Variants in VPS54 observed in about 807,000 individuals in gnomAD.
VPS54 encodes the protein VPS54 subunit of GARP complex.
VPS54 carries 45 observed loss-of-function variants against 121.5 expected under a neutral mutation model. The observed-to-expected ratio is 0.37, with a 90% CI of 0.29 to 0.47. VPS54 has a LOEUF of 0.47. Among genes scored for constraint, VPS54 ranks in the 20% least tolerant of loss-of-function variants. The pLI, the probability that VPS54 is intolerant of heterozygous loss-of-function variation, is 0.99. For missense variants in VPS54, 1,090 were observed against 1,131.4 expected, an observed-to-expected ratio of 0.96 and a Z score of 0.52; for synonymous variants, 371 against 385.8, an observed-to-expected ratio of 0.96 and a Z score of 0.45.
At chr2:63,931,690 A>G (rs1021262453) in intron 12 of VPS54, among the ~76,000 whole-genome samples, 3 of 152,236 alleles carry the variant, frequency 2.0e-5, no homozygotes, top group Admixed American at 1.3e-4. Context: ...CTGCACAGCA[A>G]AAGAAACTAT....
chr2:63,963,769 G>A (rs1559025118), intron 6 of VPS54, among the ~76,000 whole-genome samples: 1 of 152,026 alleles, frequency 6.6e-6, no homozygotes, highest in Non-Finnish European at 1.5e-5. Context: ...AATATACTAG[G>A]GTAAATTGCA....
At chr2:63,980,844 T>C (rs1676771336) in intron 3 of VPS54, among the ~76,000 whole-genome samples, 1 of 152,080 alleles carries the variant, frequency 6.6e-6, no homozygotes, top group Non-Finnish European at 1.5e-5. Flanking sequence ...TGTGTTGTTT[T>C]CAATGATCAG....
At chr2:63,937,289 T>C (rs980919025) in intron 11 of VPS54, among the ~76,000 whole-genome samples, 11 of 152,016 alleles carry the variant, frequency 7.2e-5, no homozygotes, top group African/African-American at 2.2e-4. Context: ...AAAGAACTTC[T>C]ACAACTCAAC....
intron 20 of VPS54, among the ~76,000 whole-genome samples, chr2:63,911,137 C>T (rs1166410887): frequency 1.3e-5 from 2 of 152,058 alleles, no homozygotes; most frequent in Admixed American, 1.3e-4. Context: ...AATATGTTAC[C>T]GACTTTTGGT....
intron 12 of VPS54, among the ~76,000 whole-genome samples, chr2:63,924,418 A>C (rs77994527): frequency 8.5e-5 from 13 of 152,346 alleles, no homozygotes; most frequent in South Asian, 4.1e-4. Context: ...TGAAGGTAAC[A>C]GAGAACTAAG....
At chr2:63,953,420 A>T (rs535325457) in intron 7 of VPS54, among the ~76,000 whole-genome samples, 11 of 152,294 alleles carry the variant, frequency 7.2e-5, no homozygotes, top group African/African-American at 2.6e-4. Flanking sequence ...AGCATGAGCC[A>T]CGCTACCCAG....
chr2:63,944,649 TCA>T lies in VPS54; in HGVS notation c.1250_1251del (p.Val417AspfsTer2). 1 of 1,608,910 alleles carries T rather than the reference TCA, an allele frequency of 6.2e-7. No homozygotes were observed. Among genetic ancestry groups the T allele is most frequent in the African/African-American group, 1.3e-5 (1 of 74,866 alleles). Reference protein sequence around the residue: ...ITAKNIIKQCVINKVSQTEEI... With the variant: ...ITAKNIIKQCXINKVSQTEEI... ...TCTTCTGTTTGTGAAACTTTATTAA[TCA>T]CACACTGCAAAATTTAAGAAAAAAC... On this transcript the variant is annotated frameshift_variant, in exon 10 of 23. Coordinates refer to ENST00000272322, the MANE Select transcript of VPS54 (RefSeq NM_016516.3). LOFTEE classifies it high-confidence loss of function.
chr2:63,959,893 C>T (rs1438549893), intron 7 of VPS54, among the ~76,000 whole-genome samples: 14 of 151,960 alleles, frequency 9.2e-5, no homozygotes, highest in African/African-American at 3.4e-4. Context: ...CAGTGGCGGG[C>T]ACCTGTAATC....
At position 63,892,200 on chromosome 2, in the gene VPS54, T is replaced by C. The variant is rs1318940241; in HGVS notation, c.*1230A>G. On this transcript the variant is annotated 3_prime_UTR_variant, in exon 23 of 23. Transcript: ENST00000272322. Reference sequence around the variant, plus strand: ...ACAGATAGTTTAAGAACCAAAGACATACCTCTGTAATGATAAAGGAAAGAA... The same window carrying C: ...ACAGATAGTTTAAGAACCAAAGACACACCTCTGTAATGATAAAGGAAAGAA... The C allele has an allele frequency of 6.6e-6, 1 of 152,186 alleles. No homozygotes were observed. The highest frequency in any genetic ancestry group is 1.5e-5 in the Non-Finnish European group (1 of 68,044). The allele number at this position is 152,186 out of a possible 1,614,324, so 9.4% of individuals were successfully genotyped here.
At chr2:63,948,171 C>G (rs569495782) in intron 8 of VPS54, among the ~76,000 whole-genome samples, 2 of 152,210 alleles carry the variant, frequency 1.3e-5, no homozygotes, top group Admixed American at 1.3e-4. Flanking sequence ...GAAATAATGA[C>G]CTAGACTCTC....
chr2:63,974,769 A>G (rs1456025470), intron 3 of VPS54, among the ~76,000 whole-genome samples: 1 of 152,270 alleles, frequency 6.6e-6, no homozygotes, highest in Non-Finnish European at 1.5e-5. Flanking sequence ...ATTAACTTTT[A>G]TATATTAACC....
At chr2:63,909,009 A>C (rs186569580) in intron 20 of VPS54, among the ~76,000 whole-genome samples, 1 of 152,276 alleles carries the variant, frequency 6.6e-6, no homozygotes, top group Non-Finnish European at 1.5e-5. Flanking sequence ...GTTCTCCTCA[A>C]CTTCATTTGC....
At chr2:63,993,979 C>G (rs895669606) in intron 1 of VPS54, among the ~76,000 whole-genome samples, 2 of 152,134 alleles carry the variant, frequency 1.3e-5, no homozygotes, top group Non-Finnish European at 2.9e-5. Flanking sequence ...TTCTAGTTAA[C>G]GTGGGAAAGA....
intron 3 of VPS54, among the ~76,000 whole-genome samples, chr2:63,977,401 T>G (rs1215253247): frequency 2.6e-5 from 4 of 152,228 alleles, no homozygotes; most frequent in Non-Finnish European, 4.4e-5. Flanking sequence ...AAGACTTCCT[T>G]GAAGCCTTAC....
intron 1 of VPS54, among the ~76,000 whole-genome samples, chr2:63,988,369 A>G (rs1285953703): frequency 6.6e-6 from 1 of 152,202 alleles, no homozygotes; most frequent in African/African-American, 2.4e-5. Context: ...ATGATGAATA[A>G]TATTTTTAAT....
chr2:64,012,488 T>G (rs1229200241), intron 1 of VPS54, among the ~76,000 whole-genome samples: 1 of 146,610 alleles, frequency 6.8e-6, no homozygotes, highest in Non-Finnish European at 1.5e-5. Flanking sequence ...TCCCCAGATG[T>G]AGTTTTTTCC....
intron 2 of VPS54, among the ~76,000 whole-genome samples, chr2:63,982,811 T>C (rs1303892638): frequency 6.6e-6 from 1 of 152,042 alleles, no homozygotes; most frequent in Non-Finnish European, 1.5e-5. Flanking sequence ...AAAAGAACAT[T>C]AGTTTATAGT....
intron 1 of VPS54, among the ~76,000 whole-genome samples, chr2:63,994,507 A>G (rs1677488925): frequency 6.6e-6 from 1 of 152,194 alleles, no homozygotes. Flanking sequence ...TGCCCCGCTC[A>G]ATCAGGAAAA....
In VPS54 at chr2:63,972,210, C is replaced by T. The variant is rs1559031153; in HGVS notation, c.413G>A (p.Cys138Tyr). Residue 138 changes from cysteine to tyrosine, a missense_variant, in exon 4 of 23, where the codon TGT becomes TAT. Cys to Tyr is a radical substitution (Grantham distance 194). This residue lies in a region of VPS54 where 801 missense variants were observed against 757.0 expected (regional missense o/e 1.06). Transcript: ENST00000272322. Reference protein sequence around the residue: ...EKIHERCKNICPPKDTFERTL... With the variant: ...EKIHERCKNIYPPKDTFERTL... ...CCTTTCGAAGGTATCTTTAGGAGGACAAATATTCTTGCATCTCTCATGAAT... is the reference window on the plus strand; with the variant it reads ...CCTTTCGAAGGTATCTTTAGGAGGATAAATATTCTTGCATCTCTCATGAAT... The T allele has an allele frequency of 6.3e-7, 1 of 1,595,588 alleles. No individual in the cohort carries two copies. The highest frequency in any genetic ancestry group is 1.1e-5 in the South Asian group (1 of 88,242).
Sources: gnomAD v4.1 joint callset for allele counts (sites outside exome capture counted in the v4.1 genomes callset) on GRCh38, gnomAD v4.1.1 for gene constraint, gnomAD v4.1.1 regional missense constraint, MANE v1.5 for transcripts, NCBI Gene and HGNC (gene_info 2026-07-23, HGNC 2026-07-21) for gene names.